The following ADGRE2 variants were observed in gnomAD, a reference collection of about 807,000 sequenced individuals.
ADGRE2 encodes adhesion G protein-coupled receptor E2, also known as CD97 antigen.
A neutral mutation model predicts 100.8 loss-of-function variants in ADGRE2; 83 were observed. The ratio of observed to expected loss-of-function variants is 0.82; its 90% CI spans 0.69 to 0.99. ADGRE2 has a LOEUF of 0.99. Among genes scored for constraint, ADGRE2 ranks in the 50% least tolerant of loss-of-function variants. ADGRE2 has a pLI of 0.00. For synonymous variants in ADGRE2, 355 were observed against 413.0 expected (o/e 0.86, Z 1.70); for missense variants, 814 against 1,035.7 (o/e 0.79, Z 2.94).
chr19:14,775,617 G>A (rs2044405768), intron 2 of ADGRE2, among the ~76,000 whole-genome samples: 1 of 151,998 alleles, frequency 6.6e-6, no homozygotes, highest in Non-Finnish European at 1.5e-5. Context: ...CCAGCACTTT[G>A]GGAGGCCAAG....
intron 4 of ADGRE2, among the ~76,000 whole-genome samples, chr19:14,773,017 T>A (rs189910353): frequency 1.5e-5 from 2 of 132,064 alleles, no homozygotes; most frequent in Admixed American, 1.9e-4. Flanking sequence ...AGGTGGAGGT[T>A]GCGGTGAGCC....
chr19:14,770,548 T>C (rs2147502031), intron 5 of ADGRE2, among the ~76,000 whole-genome samples: 1 of 152,228 alleles, frequency 6.6e-6, no homozygotes, highest in South Asian at 2.1e-4. Flanking sequence ...TGACTACATA[T>C]GGATGCCCAG....
chr19:14,752,279 G>A, intron 15 of ADGRE2, 50 bp downstream of exon 15: 1 of 1,605,852 alleles, frequency 6.2e-7, no homozygotes, highest in Non-Finnish European at 8.5e-7. Flanking sequence ...CCATGAGCCA[G>A]CGTGTCCTGC....
At chr19:14,743,056 C>T (rs1443063756) in intron 20 of ADGRE2, among the ~76,000 whole-genome samples, 5 of 151,862 alleles carry the variant, frequency 3.3e-5, no homozygotes, top group African/African-American at 7.3e-5. Context: ...CTCAGCCTCC[C>T]GAGGAGTAGC....
chr19:14,742,014 C>T (rs1322566951), intron 20 of ADGRE2: 1 of 398,414 alleles, frequency 2.5e-6, no homozygotes, highest in African/African-American at 2.1e-5. Context: ...CCCAAGTTGT[C>T]CCGGGCTCAA....
At chr19:14,727,024 C>CTTTTTT in the ADGRE2 span, among the ~76,000 whole-genome samples, 40 of 70,098 alleles carry the variant, frequency 5.7e-4, no homozygotes, top group Non-Finnish European at 8.2e-4. Flanking sequence ...AGAAAAGAGG[C>CTTTTTT]TTTTTTTTTT....
chr19:14,772,247 T>C, intron 5 of ADGRE2, 95 bp downstream of exon 5: 1 of 1,544,380 alleles, frequency 6.5e-7, no homozygotes, highest in African/African-American at 1.4e-5. Flanking sequence ...ACTGAACCTA[T>C]ACTTGGGTAC....
At chr19:14,767,399 C>T (rs1016554523) in intron 5 of ADGRE2, among the ~76,000 whole-genome samples, 5 of 152,112 alleles carry the variant, frequency 3.3e-5, no homozygotes, top group Admixed American at 1.3e-4. Context: ...CCACCATGCC[C>T]GGCTAATTTT....
chr19:14,742,885 A>G (rs746291061), intron 20 of ADGRE2, among the ~76,000 whole-genome samples: 10 of 151,924 alleles, frequency 6.6e-5, no homozygotes, highest in Non-Finnish European at 1.2e-4. Context: ...TGTGTGTGAG[A>G]GTCAAACTAA....
chr19:14,765,178 C>T, intron 10 of ADGRE2, 142 bp downstream of exon 10: 1 of 831,126 alleles, frequency 1.2e-6, no homozygotes, highest in Non-Finnish European at 1.9e-6. Flanking sequence ...CATTAGCTTC[C>T]ACCAGCCCTG....
intron 4 of ADGRE2, 22 bp downstream of exon 4, chr19:14,773,916 C>T (rs369279719): frequency 1.5e-5 from 24 of 1,606,626 alleles, no homozygotes; most frequent in Admixed American, 1.2e-4. Flanking sequence ...ATGTCCCCTG[C>T]GCTGCCCTCA....
intron 18 of ADGRE2, 80 bp downstream of exon 18, chr19:14,746,152 T>C: frequency 1.2e-6 from 1 of 812,106 alleles, no homozygotes; most frequent in Admixed American, 2.3e-5. Flanking sequence ...AGAAGGGACC[T>C]CAGTGGCTGC....
chr19:14,765,359 G>T lies in ADGRE2; in HGVS notation c.867C>A (p.Gly289=), dbSNP rs1255392523. Reference sequence around the variant, plus strand: ...TGGCCAAGCCTGGCTTGTAGTCTCTGCCCAGGTCCTGGACTTTGTCGAAGA... The same window carrying T: ...TGGCCAAGCCTGGCTTGTAGTCTCTTCCCAGGTCCTGGACTTTGTCGAAGA... The part of the protein sequence containing the change: ...SRFFDKVQDL[G]RDYKPGLANN... The change falls in exon 10 of 21, where the codon GGC becomes GGA. Residue 289 remains glycine, a synonymous_variant. Coordinates refer to ENST00000315576, the MANE Select transcript of ADGRE2 (RefSeq NM_013447.4). 1.2e-6 allele frequency: 2 copies of T among 1,614,146 alleles called. No individual in the cohort carries two copies. Among genetic ancestry groups the T allele is most frequent in the East Asian group, 4.5e-5 (2 of 44,880 alleles).
At chr19:14,774,611 C>T (rs555093533) in intron 2 of ADGRE2, among the ~76,000 whole-genome samples, 8 of 150,362 alleles carry the variant, frequency 5.3e-5, no homozygotes, top group Non-Finnish European at 1.0e-4. Flanking sequence ...TAGGCTCAAG[C>T]GATCCCCCTG....
chr19:14,760,333 A>T (rs1264803271), intron 11 of ADGRE2, among the ~76,000 whole-genome samples: 1 of 152,208 alleles, frequency 6.6e-6, no homozygotes, highest in Non-Finnish European at 1.5e-5. Flanking sequence ...TGTAAGATTT[A>T]TGTATCAATA....
chr19:14,751,424 A>G lies in ADGRE2; in HGVS notation c.2024+12T>C, dbSNP rs761330448. The G allele has an allele frequency of 6.3e-7, 1 of 1,599,620 alleles. No individual in the cohort carries two copies. Among genetic ancestry groups the G allele is most frequent in the South Asian group, 1.1e-5 (1 of 90,734 alleles). On this transcript the variant is annotated intron_variant, in intron 16 of 20. Transcript: ENST00000315576. ...GCCGGAGAAGATAAGGATTGTGAGAATTTGCACTAACCGGGAAGGTGTTCC... is the reference window on the plus strand; with the variant it reads ...GCCGGAGAAGATAAGGATTGTGAGAGTTTGCACTAACCGGGAAGGTGTTCC...
At chr19:14,777,271 T>G (rs1267819759) in intron 1 of ADGRE2, among the ~76,000 whole-genome samples, 1 of 152,194 alleles carries the variant, frequency 6.6e-6, no homozygotes, top group East Asian at 1.9e-4. Flanking sequence ...CCCAGAGCTT[T>G]GGCATGCCAG....
In ADGRE2 at chr19:14,776,699, C is replaced by A. The variant is rs778668689; in HGVS notation, c.31+27G>T. On this transcript the variant is annotated intron_variant, in intron 2 of 20. Coordinates refer to ENST00000315576, the MANE Select transcript of ADGRE2 (RefSeq NM_013447.4). ...TCCCGCTGGAGCTTCCTCGCTACCACCCCCAGCGGGGCCCCAAAGTACTTA... is the reference window on the plus strand; with the variant it reads ...TCCCGCTGGAGCTTCCTCGCTACCAACCCCAGCGGGGCCCCAAAGTACTTA... 28 of 1,607,690 alleles carry A rather than the reference C, an allele frequency of 1.7e-5. No individual in the cohort carries two copies. The East Asian group carries it at 4.9e-4, about 28-fold the overall frequency.
the ADGRE2 span, among the ~76,000 whole-genome samples, chr19:14,724,439 GGTTGATTTATT>G: frequency 1.3e-5 from 2 of 152,136 alleles, no homozygotes; most frequent in Non-Finnish European, 2.9e-5. Flanking sequence ...GGTCACACTT[GGTTGATTTATT>G]GGATGACATT....
Sources: gnomAD v4.1 joint callset for allele counts (sites outside exome capture counted in the v4.1 genomes callset) on GRCh38, gnomAD v4.1.1 for gene constraint, MANE v1.5 for transcripts, NCBI Gene and HGNC (gene_info 2026-07-23, HGNC 2026-07-21) for gene names.